The following TRAF3 variants were observed in gnomAD, a reference collection of about 807,000 sequenced individuals.
TRAF3 encodes TNF receptor associated factor 3.
Under a neutral mutation model 62.3 loss-of-function variants are expected in TRAF3, and 13 were observed. The observed-to-expected ratio is 0.21, with a 90% CI of 0.14 to 0.33. TRAF3 has a LOEUF of 0.33. Ranked by LOEUF, TRAF3 falls within the 10% of genes least tolerant of loss-of-function variation. The pLI, the probability that TRAF3 is intolerant of heterozygous loss-of-function variation, is 1.00. For missense variants in TRAF3, 440 were observed against 741.8 expected (o/e 0.59, Z 4.73); for synonymous variants, 269 against 283.4 (o/e 0.95, Z 0.51).
chr14:102,906,975 C>T lies in TRAF3; in HGVS notation c.*1191C>T, dbSNP rs1890613603. 1 of 152,260 alleles carries T rather than the reference C, an allele frequency of 6.6e-6. No individual in the cohort carries two copies. Among genetic ancestry groups the T allele is most frequent in the African/African-American group, 2.4e-5 (1 of 41,444 alleles). The allele number at this position is 152,260 out of a possible 1,614,324, so 9.4% of individuals were successfully genotyped here. A position where few individuals can be genotyped will look rare whatever the true frequency, so the allele number is the denominator to read the frequency against. On this transcript the variant is annotated 3_prime_UTR_variant, in exon 12 of 12. Transcript: ENST00000392745. ...ATCATTCTAGAAAGTGCTAGTTTAA[C>T]CAGACTTTTCTCTCCACCACTAGAT...
intron 2 of TRAF3, among the ~76,000 whole-genome samples, chr14:102,857,862 A>G (rs541218158): frequency 6.6e-6 from 1 of 152,382 alleles, no homozygotes; most frequent in East Asian, 1.9e-4. Flanking sequence ...CTATATTGCC[A>G]TAAGTTAATA....
intron 1 of TRAF3, among the ~76,000 whole-genome samples, chr14:102,822,804 G>A (rs1403841896): frequency 6.6e-6 from 1 of 152,120 alleles, no homozygotes; most frequent in African/African-American, 2.4e-5. Context: ...TCAGGAGTTC[G>A]AGACCCAGCC....
intron 1 of TRAF3, among the ~76,000 whole-genome samples, chr14:102,797,766 T>C (rs1026235663): frequency 2.0e-5 from 3 of 151,950 alleles, no homozygotes; most frequent in African/African-American, 7.3e-5. Context: ...GATGTAGTTT[T>C]GCTCTTGTCA....
rs1202140116 is a variant in TRAF3 at position 102,777,579 on chromosome 14, C to A, written c.-253C>A. 6.9e-6 allele frequency: 1 copy of A among 145,134 alleles called. No individual in the cohort carries two copies. Among genetic ancestry groups the A allele is most frequent in the African/African-American group, 2.5e-5 (1 of 40,526 alleles). 9.0% of individuals were successfully genotyped at this position (145,134 alleles called of 1,614,324 possible). A position where few individuals can be genotyped will look rare whatever the true frequency, so the allele number is the denominator to read the frequency against. On this transcript the variant is annotated 5_prime_UTR_variant, in exon 1 of 12. Coordinates refer to ENST00000392745, the MANE Select transcript of TRAF3 (RefSeq NM_145725.3). ...CGGCGGCCGCCGGCTCTTCCCCGCC[C>A]CCCGCCATGGGGCAGCCCGGGGAGC...
chr14:102,876,462 G>C lies in TRAF3; in HGVS notation c.507G>C (p.Ala169=), dbSNP rs145367471. The change falls in exon 6 of 12, where the codon GCG becomes GCC. Residue 169 remains alanine, a synonymous_variant. Transcript: ENST00000392745. Reference sequence around the variant, plus strand: ...ACCTGCGAGACCACGTGGAGAAGGCGTGTAAATACCGGGAAGCCACATGCA... The same window carrying C: ...ACCTGCGAGACCACGTGGAGAAGGCCTGTAAATACCGGGAAGCCACATGCA... ...RKDLRDHVEK[A]CKYREATCSH... 4 of 1,614,248 alleles carry C rather than the reference G, an allele frequency of 2.5e-6. No homozygotes were observed. The highest frequency in any genetic ancestry group is 1.7e-5 in the Admixed American group (1 of 60,034).
intron 1 of TRAF3, among the ~76,000 whole-genome samples, chr14:102,796,166 G>A (rs1595291542): frequency 2.6e-5 from 4 of 152,300 alleles, no homozygotes; most frequent in South Asian, 4.1e-4. Context: ...GCAGTGAGCC[G>A]AGTTGCACCA....
intron 2 of TRAF3, among the ~76,000 whole-genome samples, chr14:102,831,369 A>G (rs1555369644): frequency 6.6e-6 from 1 of 152,220 alleles, no homozygotes; most frequent in Non-Finnish European, 1.5e-5. Flanking sequence ...TTTTCTGAGT[A>G]ACTTCCACCA....
chr14:102,897,520 A>G, intron 10 of TRAF3, 119 bp downstream of exon 10: 3 of 1,343,482 alleles, frequency 2.2e-6, no homozygotes, highest in South Asian at 2.6e-5. Flanking sequence ...CAGAAAGGCA[A>G]CTGATTTCTC....
At chr14:102,795,954 C>T (rs540168228) in intron 1 of TRAF3, among the ~76,000 whole-genome samples, 5 of 152,302 alleles carry the variant, frequency 3.3e-5, no homozygotes, top group African/African-American at 9.6e-5. Flanking sequence ...TGGTTGCTCA[C>T]GCCTGTAATC....
rs1890676612 is a variant in TRAF3, at chr14:102,908,109, T to C, written c.*2325T>C. 6.6e-6 allele frequency: 1 copy of C among 152,418 alleles called. No homozygotes were observed. Among genetic ancestry groups the C allele is most frequent in the South Asian group, 2.1e-4 (1 of 4,836 alleles). The allele number at this position is 152,418 out of a possible 1,614,324, so 9.4% of individuals were successfully genotyped here. A position where few individuals can be genotyped will look rare whatever the true frequency, so the allele number is the denominator to read the frequency against. On this transcript the variant is annotated 3_prime_UTR_variant, in exon 12 of 12. Coordinates refer to ENST00000392745, the MANE Select transcript of TRAF3 (RefSeq NM_145725.3). ...ACATCTTGGTCTAGTAAGAACCGTT[T>C]CCTCCCCTCTGGGTTGAAGTCCTGG...
chr14:102,862,391 A>G (rs1887730036), intron 2 of TRAF3, among the ~76,000 whole-genome samples: 2 of 133,712 alleles, frequency 1.5e-5, no homozygotes, highest in Admixed American at 1.5e-4. Flanking sequence ...ACAGAGTAAG[A>G]TCCCTTCTCC....
chr14:102,863,922 T>C (rs1260051844), intron 2 of TRAF3, among the ~76,000 whole-genome samples: 1 of 152,166 alleles, frequency 6.6e-6, no homozygotes, highest in Admixed American at 6.5e-5. Context: ...AGGCCCATTC[T>C]GCTCCCTCTG....
At chr14:102,836,406 A>G (rs1886009120) in intron 2 of TRAF3, among the ~76,000 whole-genome samples, 1 of 152,254 alleles carries the variant, frequency 6.6e-6, no homozygotes, top group African/African-American at 2.4e-5. Context: ...GATATTGATT[A>G]ATTTTTGGAG....
At chr14:102,869,474 T>C (rs1888200114) in intron 2 of TRAF3, among the ~76,000 whole-genome samples, 1 of 152,178 alleles carries the variant, frequency 6.6e-6, no homozygotes, top group African/African-American at 2.4e-5. Context: ...AAATAGTATA[T>C]GTATTTTTTT....
At chr14:102,824,092 A>G (rs1250838849) in intron 1 of TRAF3, among the ~76,000 whole-genome samples, 2 of 152,306 alleles carry the variant, frequency 1.3e-5, no homozygotes, top group East Asian at 1.9e-4. Flanking sequence ...TTGTGTGGAC[A>G]TGTCATTTCT....
At chr14:102,821,957 G>A (rs779849733) in intron 1 of TRAF3, among the ~76,000 whole-genome samples, 10 of 152,172 alleles carry the variant, frequency 6.6e-5, no homozygotes, top group Non-Finnish European at 1.3e-4. Flanking sequence ...CAAAAGAATT[G>A]CTTGAACCCT....
At chr14:102,829,039 G>A (rs1015352826) in intron 1 of TRAF3, among the ~76,000 whole-genome samples, 1 of 151,894 alleles carries the variant, frequency 6.6e-6, no homozygotes, top group Non-Finnish European at 1.5e-5. Context: ...GTGTTTATCC[G>A]TGGGGTGAGC....
chr14:102,864,862 T>C (rs897143524), intron 2 of TRAF3, among the ~76,000 whole-genome samples: 1 of 152,182 alleles, frequency 6.6e-6, no homozygotes, highest in Admixed American at 6.5e-5. Flanking sequence ...CATGACTGCG[T>C]TGGGCTGAGG....
intron 9 of TRAF3, among the ~76,000 whole-genome samples, chr14:102,893,985 AT>A (rs1196331039): frequency 6.6e-6 from 1 of 152,186 alleles, no homozygotes; most frequent in African/African-American, 2.4e-5. Context: ...TTCTTAGGTT[AT>A]TTTGTTCATC....
Sources: gnomAD v4.1 joint callset for allele counts (sites outside exome capture counted in the v4.1 genomes callset) on GRCh38, gnomAD v4.1.1 for gene constraint, MANE v1.5 for transcripts, NCBI Gene and HGNC (gene_info 2026-07-23, HGNC 2026-07-21) for gene names.